Variants in KCNIP1 observed in about 807,000 individuals in gnomAD.
KCNIP1 encodes potassium voltage-gated channel interacting protein 1.
In KCNIP1, 18 loss-of-function variants were observed where a neutral mutation model predicts 33.0. That is an observed-to-expected ratio of 0.55 (90% CI 0.38 to 0.81). The LOEUF is 0.81. KCNIP1 is among the 30% of genes least tolerant of loss of function. The pLI is 0.00. For synonymous variants in KCNIP1, 93 were observed against 98.3 expected, an observed-to-expected ratio of 0.95 and a Z score of 0.32; for missense variants, 238 against 271.6, an observed-to-expected ratio of 0.88 and a Z score of 0.87.
intron 1 of KCNIP1, among the ~76,000 whole-genome samples, chr5:170,496,347 CAGG>C (rs1277927511): frequency 1.3e-5 from 2 of 152,326 alleles, no homozygotes; most frequent in East Asian, 3.9e-4. Context: ...GCAAGAGCAG[CAGG>C]AGGACTTGGA....
chr5:170,476,260 T>C (rs572754970), intron 1 of KCNIP1, among the ~76,000 whole-genome samples: 3 of 152,346 alleles, frequency 2.0e-5, no homozygotes, highest in African/African-American at 7.2e-5. Context: ...CATGAGCTAC[T>C]GCACCCAGCC....
At chr5:170,522,248 G>C (rs1240332757) in intron 1 of KCNIP1, among the ~76,000 whole-genome samples, 1 of 152,242 alleles carries the variant, frequency 6.6e-6, no homozygotes, top group Non-Finnish European at 1.5e-5. Context: ...GACAAGGCCT[G>C]TGTAATCCTG....
intron 1 of KCNIP1, among the ~76,000 whole-genome samples, chr5:170,414,770 T>A (rs1755283613): frequency 6.6e-6 from 1 of 152,260 alleles, no homozygotes; most frequent in Non-Finnish European, 1.5e-5. Flanking sequence ...TTGCTATCCC[T>A]TCTCTATCAA....
chr5:170,358,642 T>C (rs1020694599), intron 1 of KCNIP1, among the ~76,000 whole-genome samples: 2 of 152,162 alleles, frequency 1.3e-5, no homozygotes, highest in African/African-American at 4.8e-5. Flanking sequence ...ATGATATGAG[T>C]AAGAGATATC....
At chr5:170,394,029 C>T (rs915842374) in intron 1 of KCNIP1, among the ~76,000 whole-genome samples, 2 of 152,166 alleles carry the variant, frequency 1.3e-5, no homozygotes, top group African/African-American at 4.8e-5. Context: ...AGATGAGGTA[C>T]AGTGTTAGCC....
chr5:170,692,992 A>C lies in KCNIP1; in HGVS notation c.62-25766A>C, dbSNP rs566585425. Among the ~76,000 whole-genome samples, 33 of 152,378 alleles carry C rather than the reference A, an allele frequency of 2.2e-4. No homozygotes were observed. The East Asian group carries it at 6.4e-3, about 29-fold the overall frequency. ...GATGACTTTAGCGGAGTTTCTGGAG[A>C]ATAGATCCATCACTGGTTAATAAAC... On this transcript the variant is annotated intron_variant, in intron 1 of 7. Transcript: ENST00000328939.
At chr5:170,647,301 A>C (rs1353255654) in intron 1 of KCNIP1, among the ~76,000 whole-genome samples, 1 of 152,212 alleles carries the variant, frequency 6.6e-6, no homozygotes, top group Non-Finnish European at 1.5e-5. Context: ...AGAGAGGCAA[A>C]GACTCAGAAT....
chr5:170,444,061 T>C (rs370052621), intron 1 of KCNIP1, among the ~76,000 whole-genome samples: 1 of 152,272 alleles, frequency 6.6e-6, no homozygotes, highest in Admixed American at 6.5e-5. Flanking sequence ...ACTTTAAGTA[T>C]GCAGATGTGG....
At chr5:170,733,678 A>G (rs560962679) in intron 6 of KCNIP1, among the ~76,000 whole-genome samples, 158 bp from the exon 7 acceptor site, 4 of 152,358 alleles carry the variant, frequency 2.6e-5, no homozygotes, top group African/African-American at 7.2e-5. Context: ...TTGTCTGGCC[A>G]GTGAAAGACA....
chr5:170,354,933 G>A (rs1255286778), intron 1 of KCNIP1, among the ~76,000 whole-genome samples: 1 of 152,196 alleles, frequency 6.6e-6, no homozygotes, highest in Non-Finnish European at 1.5e-5. Flanking sequence ...GGAAGCAGCA[G>A]GCAGAATATT....
intron 1 of KCNIP1, among the ~76,000 whole-genome samples, chr5:170,492,341 C>T (rs1215798975): frequency 6.6e-6 from 1 of 152,218 alleles, no homozygotes; most frequent in Non-Finnish European, 1.5e-5. Flanking sequence ...CTGAATCAGG[C>T]AAGATATGGG....
intron 1 of KCNIP1, among the ~76,000 whole-genome samples, chr5:170,622,240 G>A (rs1216504925): frequency 1.3e-5 from 2 of 152,126 alleles, no homozygotes; most frequent in African/African-American, 4.8e-5. Context: ...TAGCATCTTT[G>A]CAAGTTTAAT....
intron 1 of KCNIP1, among the ~76,000 whole-genome samples, chr5:170,566,694 A>C (rs1027618303): frequency 6.6e-6 from 1 of 152,220 alleles, no homozygotes; most frequent in African/African-American, 2.4e-5. Context: ...GGATCAAAGC[A>C]AAAAGAAAAG....
intron 1 of KCNIP1, among the ~76,000 whole-genome samples, chr5:170,508,924 A>G (rs553168363): frequency 3.3e-5 from 5 of 151,650 alleles, no homozygotes; most frequent in Admixed American, 1.3e-4. Flanking sequence ...TTTCCCCACC[A>G]CCAGAGGTCA....
intron 1 of KCNIP1, chr5:170,383,865 C>T (rs746646863): frequency 1.2e-6 from 2 of 1,612,756 alleles, no homozygotes; most frequent in South Asian, 1.1e-5. Flanking sequence ...GGAGACCACA[C>T]ACATGCACAC....
chr5:170,624,617 C>T (rs554870345), intron 1 of KCNIP1, among the ~76,000 whole-genome samples: 60 of 151,682 alleles, frequency 4.0e-4, no homozygotes, highest in African/African-American at 1.3e-3. Context: ...CAATCTCACA[C>T]GCAGTTTAAA....
chr5:170,501,681 T>C (rs1381323953), upstream of KCNIP1, among the ~76,000 whole-genome samples: 2 of 152,308 alleles, frequency 1.3e-5, no homozygotes, highest in East Asian at 1.9e-4. Context: ...TCAGGTACCA[T>C]GAAAATTAGC....
chr5:170,594,542 G>A (rs13186680), intron 1 of KCNIP1, among the ~76,000 whole-genome samples: 10,733 of 152,040 alleles, frequency 0.071, 429 homozygotes, highest in Middle Eastern at 0.11. Context: ...ACAGAGTCTC[G>A]CTCTGCCACC....
intron 1 of KCNIP1, among the ~76,000 whole-genome samples, chr5:170,610,825 A>G (rs1300603621): frequency 6.6e-6 from 1 of 152,228 alleles, no homozygotes; most frequent in Non-Finnish European, 1.5e-5. Flanking sequence ...CCTCCAAGCC[A>G]TCAAACCTAT....
Sources: allele counts gnomAD v4.1 joint callset (sites outside exome capture counted in the v4.1 genomes callset), GRCh38; gene constraint gnomAD v4.1.1; transcripts MANE v1.5; gene names NCBI Gene and HGNC (gene_info 2026-07-23, HGNC 2026-07-21).